KIDINS220: variants seen among roughly 807,000 people sequenced by gnomAD.
The protein encoded by KIDINS220 is kinase D-interacting substrate of 220 kDa.
A neutral mutation model predicts 157.6 loss-of-function variants in KIDINS220; 63 were observed. The ratio of observed to expected loss-of-function variants is 0.40; its 90% confidence interval spans 0.33 to 0.49. The LOEUF is 0.49. KIDINS220 is among the 20% of genes least tolerant of loss of function. The probability of loss-of-function intolerance (pLI) is 0.66; values close to 1 mark genes in which losing one functional copy is unlikely to be tolerated. For missense variants in KIDINS220, 1,772 were observed against 2,171.2 expected (o/e 0.82, Z 3.65); for synonymous variants, 732 against 783.6 (o/e 0.93, Z 1.10).
chr2:8,771,509 G>T (rs1360661778), intron 21 of KIDINS220, among the ~76,000 whole-genome samples: 3 of 152,094 alleles, frequency 2.0e-5, no homozygotes, highest in African/African-American at 7.2e-5. Flanking sequence ...TTGTTTCATT[G>T]TATCATGTTT....
chr2:8,810,927 C>G (rs1297759141), intron 6 of KIDINS220, among the ~76,000 whole-genome samples: 1 of 152,154 alleles, frequency 6.6e-6, no homozygotes, highest in South Asian at 2.1e-4. Context: ...CAACAGCCTC[C>G]CTACGCTCCT....
Position 8,779,056 on chromosome 2 carries a change from G to A in KIDINS220, c.2454C>T (p.Asn818=), listed in dbSNP as rs753216779. 139 of 1,613,934 alleles carry A rather than the reference G, an allele frequency of 8.6e-5. No individual in the cohort carries two copies. In the Admixed American group the frequency reaches 1.2e-3, roughly 14 times the overall value. ...TTGAATCCCGAAGCACACTATTGAG[G>A]TTCTGGTTAATTGCCTTTATGATAA... ...PHIIIKAINQ[N]LNSVLRDSNI... Residue 818 remains asparagine, a synonymous_variant, in exon 19 of 30, where the codon AAC becomes AAT. Transcript: ENST00000256707.
chr2:8,818,036 C>T (rs1677340521), intron 3 of KIDINS220, among the ~76,000 whole-genome samples: 2 of 152,094 alleles, frequency 1.3e-5, no homozygotes, highest in Non-Finnish European at 2.9e-5. Flanking sequence ...TGGCTAGCCA[C>T]CATTACTGTA....
In KIDINS220 at chr2:8,827,132, G is replaced by A. The variant is rs1362615117; in HGVS notation, c.-36-3C>T. 3 of 1,089,498 alleles carry A rather than the reference G, an allele frequency of 2.8e-6. No homozygotes were observed. The highest frequency in any genetic ancestry group is 4.1e-6 in the Non-Finnish European group (3 of 733,198). 67.5% of individuals were successfully genotyped at this position (1,089,498 alleles called of 1,614,324 possible). On this transcript the variant is annotated splice_polypyrimidine_tract_variant and splice_region_variant and intron_variant, in intron 1 of 29. Coordinates refer to ENST00000256707, the MANE Select transcript of KIDINS220 (RefSeq NM_020738.4). The stretch of plus-strand genomic sequence containing the variant: ...TGCAATTAACTTTATTTGAATACCT[G>A]TTAAATTAGACAAAATACACATAAT...
intron 8 of KIDINS220, among the ~76,000 whole-genome samples, chr2:8,800,729 C>T (rs1175351731): frequency 6.6e-6 from 1 of 152,108 alleles, no homozygotes; most frequent in African/African-American, 2.4e-5. Context: ...TCTGAAATTC[C>T]TAAACAAAGT....
intron 6 of KIDINS220, among the ~76,000 whole-genome samples, chr2:8,809,132 C>T (rs1249295683): frequency 5.9e-5 from 9 of 152,120 alleles, no homozygotes; most frequent in African/African-American, 1.9e-4. Flanking sequence ...GTGATTCTCC[C>T]GCTTTAGCCT....
At position 8,730,413 on chromosome 2, in the gene KIDINS220, G is replaced by T; in HGVS notation, c.*307C>A. 1 of 1,143,324 alleles carries T rather than the reference G, an allele frequency of 8.7e-7. No individual in the cohort carries two copies. The allele number at this position is 1,143,324 out of a possible 1,614,324, so 70.8% of individuals were successfully genotyped here. Reference sequence around the variant, plus strand: ...ACATTAAGCCCTTTAAAATACTTCTGACCTATCTTTATACTCAGATCTCAC... The same window carrying T: ...ACATTAAGCCCTTTAAAATACTTCTTACCTATCTTTATACTCAGATCTCAC... On this transcript the variant is annotated 3_prime_UTR_variant, in exon 30 of 30. Coordinates refer to ENST00000256707, the MANE Select transcript of KIDINS220 (RefSeq NM_020738.4).
chr2:8,834,430 T>C (rs1441974951), intron 1 of KIDINS220, among the ~76,000 whole-genome samples: 1 of 151,842 alleles, frequency 6.6e-6, no homozygotes, highest in Non-Finnish European at 1.5e-5. Flanking sequence ...CCACCGTGTA[T>C]AAATGGTGTA....
intron 1 of KIDINS220, among the ~76,000 whole-genome samples, chr2:8,836,407 AC>A (rs1680407321): frequency 1.3e-5 from 2 of 152,354 alleles, no homozygotes; most frequent in South Asian, 4.1e-4. Flanking sequence ...AATTATTCAC[AC>A]AAAGGGTGTA....
At chr2:8,781,166 TA>T (rs1189042739) in intron 17 of KIDINS220, among the ~76,000 whole-genome samples, 3 of 137,204 alleles carry the variant, frequency 2.2e-5, no homozygotes, top group African/African-American at 8.2e-5. Context: ...ATATATATAT[TA>T]AAGGGGGGCA....
At chr2:8,826,316 A>G (rs1350834548) in intron 2 of KIDINS220, among the ~76,000 whole-genome samples, 1 of 152,190 alleles carries the variant, frequency 6.6e-6, no homozygotes, top group Non-Finnish European at 1.5e-5. Context: ...CTCATTAAAG[A>G]AAGTATTTCA....
chr2:8,818,659 G>A (rs898340515), intron 3 of KIDINS220, 36 bp downstream of exon 3: 1 of 1,225,166 alleles, frequency 8.2e-7, no homozygotes, highest in African/African-American at 1.5e-5. Flanking sequence ...TAAGAAAAAA[G>A]TGAGTAAATG....
At chr2:8,740,709 A>G (rs1366710369) in intron 26 of KIDINS220, among the ~76,000 whole-genome samples, 5 of 152,220 alleles carry the variant, frequency 3.3e-5, no homozygotes, top group Admixed American at 2.6e-4. Flanking sequence ...TTTCATAAGA[A>G]TGGCCCCAAG....
downstream of KIDINS220, chr2:8,721,551 G>A (rs1662960071): frequency 6.6e-6 from 1 of 152,192 alleles, no homozygotes; most frequent in South Asian, 2.1e-4. Flanking sequence ...GCCTTGAAGA[G>A]ACTCCAAACC....
At chr2:8,754,074 T>C (rs984548332) in intron 22 of KIDINS220, among the ~76,000 whole-genome samples, 4 of 152,200 alleles carry the variant, frequency 2.6e-5, no homozygotes, top group Non-Finnish European at 5.9e-5. Flanking sequence ...GTTAAATAGG[T>C]AGTTCATCTA....
At chr2:8,817,587 G>A in intron 4 of KIDINS220, 31 bp downstream of exon 4, 1 of 1,175,010 alleles carries the variant, frequency 8.5e-7, no homozygotes, top group South Asian at 1.5e-5. Context: ...TAAGATTTCA[G>A]CTAATTAAGA....
chr2:8,727,274 GAGA>G, downstream of KIDINS220: 1 of 1,065,712 alleles, frequency 9.4e-7, no homozygotes, highest in Non-Finnish European at 1.1e-6. Context: ...GCGCCTGGAA[GAGA>G]AGGTGGGAAT....
rs1672779568 is a variant in KIDINS220, at chr2:8,788,783, C to T, written c.1651G>A (p.Gly551Arg). 6.2e-7 allele frequency: 1 copy of T among 1,613,646 alleles called. No individual in the cohort carries two copies. Among genetic ancestry groups the T allele is most frequent in the Non-Finnish European group, 8.5e-7 (1 of 1,179,928 alleles). The change falls in exon 15 of 30, where the codon GGA becomes AGA. Residue 551 changes from glycine to arginine, a missense_variant. Gly to Arg is a moderately radical substitution (Grantham distance 125, BLOSUM62 -2). Transcript: ENST00000256707. ...IVIYFGGRREGESWNWAWVLS... is the reference protein window; with the variant it reads ...IVIYFGGRRERESWNWAWVLS... ...ACCCAGGCCCAATTCCAACTCTCTC[C>T]TTCTCTTCGTCCACCAAAGTAAATG...
intron 22 of KIDINS220, among the ~76,000 whole-genome samples, chr2:8,761,340 C>A (rs1668724613): frequency 6.6e-6 from 1 of 152,122 alleles, no homozygotes; most frequent in Non-Finnish European, 1.5e-5. Flanking sequence ...CTTTATTATG[C>A]AAGTTCTCTT....
Sources: gnomAD v4.1 joint callset for allele counts (sites outside exome capture counted in the v4.1 genomes callset) on GRCh38, gnomAD v4.1.1 for gene constraint, MANE v1.5 for transcripts, NCBI Gene and HGNC (gene_info 2026-07-23, HGNC 2026-07-21) for gene names.